The following ABCC4 variants were observed in gnomAD, a reference collection of about 807,000 sequenced individuals.
The protein encoded by ABCC4 is ATP binding cassette subfamily C member 4 (PEL blood group), also known as ATP-binding cassette sub-family C member 4.
ABCC4 carries 102 observed loss-of-function variants against 168.5 expected under a neutral mutation model. The observed-to-expected ratio is 0.61, with a 90% CI of 0.52 to 0.71. The LOEUF (loss-of-function observed/expected upper bound fraction) is 0.71. Ranked by LOEUF, ABCC4 falls within the 30% of genes least tolerant of loss-of-function variation. ABCC4 has a pLI of 0.00. For synonymous variants in ABCC4, 617 were observed against 590.7 expected (o/e 1.04, Z -0.65); for missense variants, 1,402 against 1,605.8 (o/e 0.87, Z 2.17).
chr13:95,061,627 T>C (rs944046838), intron 26 of ABCC4, among the ~76,000 whole-genome samples: 2 of 145,256 alleles, frequency 1.4e-5, no homozygotes, highest in African/African-American at 5.1e-5. Flanking sequence ...TGTGTGTGTG[T>C]GTGTGTGTGT....
intron 29 of ABCC4, among the ~76,000 whole-genome samples, chr13:95,040,697 A>G (rs189185564): frequency 6.6e-5 from 10 of 152,376 alleles, no homozygotes; most frequent in Non-Finnish European, 1.0e-4. Flanking sequence ...GATGAAACAT[A>G]GAATTTAAAT....
intron 30 of ABCC4, among the ~76,000 whole-genome samples, chr13:95,026,928 C>G (rs2031578813): frequency 6.6e-6 from 1 of 151,742 alleles, no homozygotes; most frequent in Non-Finnish European, 1.5e-5. Context: ...AGAAAAAAGG[C>G]TGAGTTATGT....
intron 19 of ABCC4, among the ~76,000 whole-genome samples, chr13:95,121,249 C>G (rs2035560630): frequency 6.6e-6 from 1 of 152,102 alleles, no homozygotes; most frequent in Non-Finnish European, 1.5e-5. Flanking sequence ...GCCTGGACTA[C>G]TTCACAGGGC....
At chr13:95,247,190 G>T in intron 2 of ABCC4, 95 bp from the exon 3 acceptor site, 2 of 1,370,862 alleles carry the variant, frequency 1.5e-6, no homozygotes, top group Non-Finnish European at 2.0e-6. Flanking sequence ...TTTAAGACAG[G>T]GCATTTTGTG....
At chr13:95,036,651 G>T (rs1228789993) in intron 29 of ABCC4, among the ~76,000 whole-genome samples, 1 of 152,074 alleles carries the variant, frequency 6.6e-6, no homozygotes, top group Admixed American at 6.5e-5. Flanking sequence ...TATTTGTTAG[G>T]AGAGTTTTTG....
chr13:95,299,024 G>A (rs1200117370), intron 1 of ABCC4, among the ~76,000 whole-genome samples: 3 of 152,112 alleles, frequency 2.0e-5, no homozygotes, highest in Non-Finnish European at 4.4e-5. Flanking sequence ...TGGCCGAAGC[G>A]GGAGGAACAC....
intron 29 of ABCC4, among the ~76,000 whole-genome samples, chr13:95,038,366 C>A: frequency 8.3e-6 from 1 of 120,408 alleles, no homozygotes; most frequent in African/African-American, 3.3e-5. Flanking sequence ...TTTTAGGAAG[C>A]CCATACTCAA....
At chr13:95,177,959 A>G (rs756353832) in intron 12 of ABCC4, 38 bp downstream of exon 12, 7 of 1,604,218 alleles carry the variant, frequency 4.4e-6, no homozygotes, top group East Asian at 2.2e-5. Flanking sequence ...GAAGGTATCA[A>G]AAGACACCGG....
chr13:95,159,134 A>ATATATAG (rs2036998473), intron 19 of ABCC4, among the ~76,000 whole-genome samples: 9 of 46,402 alleles, frequency 1.9e-4, no homozygotes, highest in Non-Finnish European at 4.0e-4. Flanking sequence ...TATATATATA[A>ATATATAG]CTATTGAAGT....
At chr13:95,197,355 C>G (rs2038486369) in intron 8 of ABCC4, among the ~76,000 whole-genome samples, 1 of 152,220 alleles carries the variant, frequency 6.6e-6, no homozygotes, top group African/African-American at 2.4e-5. Flanking sequence ...ACCAAGACAT[C>G]AAATTCAGTA....
At chr13:95,270,260 A>G (rs548591981) in intron 1 of ABCC4, among the ~76,000 whole-genome samples, 146 of 152,060 alleles carry the variant, frequency 9.6e-4, no homozygotes, top group Non-Finnish European at 1.8e-3. Flanking sequence ...GACTGTGGGA[A>G]GGGGAAGAGA....
At chr13:95,090,050 A>C (rs2034381744) in intron 20 of ABCC4, among the ~76,000 whole-genome samples, 1 of 152,060 alleles carries the variant, frequency 6.6e-6, no homozygotes, top group South Asian at 2.1e-4. Flanking sequence ...GGAGCCACAG[A>C]CCCTTTGAAG....
rs1442422778 is a variant in ABCC4, at chr13:95,044,396, C to T, written c.3499G>A (p.Asp1167Asn). Reference sequence around the variant, plus strand: ...GATCCTGATTCTGCTAATTCAGTATCCATTTTACCAGGAAGATCTTCAATG... The same window carrying T: ...GATCCTGATTCTGCTAATTCAGTATTCATTTTACCAGGAAGATCTTCAATG... ...ETIEDLPGKM[D>N]TELAESGSNF... is the part of the protein sequence containing the mutation. Residue 1167 changes from aspartate to asparagine, a missense_variant, in exon 28 of 31, where the codon GAT (aspartate) becomes AAT (asparagine). Transcript: ENST00000645237. 2 of 1,613,096 alleles carry T rather than the reference C, an allele frequency of 1.2e-6. No individual in the cohort carries two copies. The highest frequency in any genetic ancestry group is 2.2e-5 in the East Asian group (1 of 44,814).
chr13:95,250,757 C>CTTTTTTT (rs66485168), intron 1 of ABCC4, among the ~76,000 whole-genome samples: 3 of 78,872 alleles, frequency 3.8e-5, no homozygotes, highest in African/African-American at 9.9e-5. Flanking sequence ...ATACTGGTTT[C>CTTTTTTT]TTTTTTTTTT....
intron 9 of ABCC4, among the ~76,000 whole-genome samples, chr13:95,191,179 CG>C (rs1345478646): frequency 1.3e-5 from 2 of 152,062 alleles, no homozygotes; most frequent in Non-Finnish European, 2.9e-5. Context: ...ACAGAAAGCA[CG>C]GTGGGGGAAT....
chr13:95,043,816 C>T (rs545343059), intron 28 of ABCC4, 29 bp from the exon 29 acceptor site: 15 of 1,528,330 alleles, frequency 9.8e-6, no homozygotes, highest in East Asian at 6.8e-5. Context: ...AGTTTAATTT[C>T]GTAAAGATGC....
chr13:95,232,916 C>G (rs2039663585), intron 4 of ABCC4, among the ~76,000 whole-genome samples: 1 of 152,104 alleles, frequency 6.6e-6, no homozygotes, highest in Admixed American at 6.5e-5. Flanking sequence ...CAAATCAGGT[C>G]TTATCATTAT....
intron 1 of ABCC4, among the ~76,000 whole-genome samples, chr13:95,281,416 C>G (rs7324283): frequency 6.6e-6 from 1 of 151,432 alleles, no homozygotes; most frequent in Non-Finnish European, 1.5e-5. Flanking sequence ...CAAGACACAC[C>G]TCATCTGGCA....
intron 19 of ABCC4, among the ~76,000 whole-genome samples, chr13:95,139,199 GT>G (rs2036235686): frequency 1.3e-5 from 2 of 152,204 alleles, no homozygotes; most frequent in African/African-American, 4.8e-5. Flanking sequence ...TTAAGTGAAA[GT>G]TTAGAAACTG....
Sources: allele counts gnomAD v4.1 joint callset (sites outside exome capture counted in the v4.1 genomes callset), GRCh38; gene constraint gnomAD v4.1.1; transcripts MANE v1.5; gene names NCBI Gene and HGNC (gene_info 2026-07-23, HGNC 2026-07-21).